The following EDIL3 variants were observed in gnomAD, a reference collection of about 807,000 sequenced individuals.
EDIL3 encodes the protein EGF-like repeat and discoidin I-like domain-containing protein 3.
A neutral mutation model predicts 67.4 loss-of-function variants in EDIL3; 37 were observed. The observed-to-expected ratio is 0.55, with a 90% CI of 0.42 to 0.72. The LOEUF is 0.72. EDIL3 is among the 30% of genes least tolerant of loss of function. The probability of loss-of-function intolerance (pLI) is 0.00; values close to 1 mark genes in which losing one functional copy is unlikely to be tolerated. For synonymous variants in EDIL3, 195 were observed against 196.3 expected (o/e 0.99, Z 0.05); for missense variants, 527 against 586.3 (o/e 0.90, Z 1.04).
Position 83,971,539 on chromosome 5 carries a change from A to C in EDIL3, c.1138-8179T>G, listed in dbSNP as rs557338295. Among the ~76,000 whole-genome samples the C allele has an allele frequency of 3.0e-4, 45 of 152,112 alleles. 1 individual carries two copies. The highest frequency in any genetic ancestry group is 1.0e-3 in the African/African-American group (42 of 41,532). ...ACCCTTAGCCTCCAAAAATATTTTTATATATGCTCTTGAAATTTGGTTGTT... is the reference window on the plus strand; with the variant it reads ...ACCCTTAGCCTCCAAAAATATTTTTCTATATGCTCTTGAAATTTGGTTGTT... On this transcript the variant is annotated intron_variant, in intron 9 of 10. Coordinates refer to ENST00000296591, the MANE Select transcript of EDIL3 (RefSeq NM_005711.5).
At chr5:84,244,627 C>G (rs1744871036) in intron 2 of EDIL3, among the ~76,000 whole-genome samples, 1 of 152,074 alleles carries the variant, frequency 6.6e-6, no homozygotes. Flanking sequence ...AGTGTCATAT[C>G]TTTGTCTTCA....
intron 3 of EDIL3, among the ~76,000 whole-genome samples, chr5:84,219,892 A>C (rs957367988): frequency 3.9e-5 from 6 of 152,046 alleles, no homozygotes; most frequent in African/African-American, 1.4e-4. Context: ...ATTCTCACTT[A>C]TTTACAGGAG....
At chr5:84,262,147 C>T (rs1745234234) in intron 1 of EDIL3, among the ~76,000 whole-genome samples, 4 of 152,156 alleles carry the variant, frequency 2.6e-5, no homozygotes. Context: ...ATGAACTAAT[C>T]CAGTGGTTCT....
chr5:84,094,488 C>T (rs529952092), intron 6 of EDIL3, among the ~76,000 whole-genome samples: 2 of 151,966 alleles, frequency 1.3e-5, no homozygotes, highest in African/African-American at 4.8e-5. Context: ...AATTCAGCTT[C>T]TGTAACTAGA....
chr5:84,277,189 T>A (rs1054699915), intron 1 of EDIL3, among the ~76,000 whole-genome samples: 6 of 152,144 alleles, frequency 3.9e-5, no homozygotes, highest in Non-Finnish European at 5.9e-5. Context: ...TGTTGAAATT[T>A]TAACCCCCAA....
At chr5:84,259,662 A>G (rs1745189192) in intron 1 of EDIL3, among the ~76,000 whole-genome samples, 1 of 152,146 alleles carries the variant, frequency 6.6e-6, no homozygotes, top group Non-Finnish European at 1.5e-5. Context: ...TTCTGATCGG[A>G]CTGCATGATT....
Position 83,963,209 on chromosome 5 carries a change from T to C in EDIL3, c.1289A>G (p.Asp430Gly), listed in dbSNP as rs1744634098. 1.9e-6 allele frequency: 3 copies of C among 1,592,398 alleles called. No homozygotes were observed. Among genetic ancestry groups the C allele is most frequent in the Non-Finnish European group, 2.6e-6 (3 of 1,171,660 alleles). ...AAACCGATTTGGCTGACTTACCTTA[T>C]CTTTTCTTTGCTTTTCATCCTGGTA... ...TVYQDEKQRK[D>G]KVFQGNFDND... Residue 430 changes from aspartate to glycine, a missense_variant, in exon 10 of 11, where the codon GAT becomes GGT. By Grantham distance (94) the Asp-to-Gly change is moderately conservative. Coordinates refer to ENST00000296591, the MANE Select transcript of EDIL3 (RefSeq NM_005711.5).
At chr5:84,100,631 T>C (rs1413161216) in intron 6 of EDIL3, among the ~76,000 whole-genome samples, 1 of 152,056 alleles carries the variant, frequency 6.6e-6, no homozygotes, top group Non-Finnish European at 1.5e-5. Flanking sequence ...AGATGATGGA[T>C]TGATGGGTGT....
At chr5:83,959,900 C>T (rs1744577231) in intron 10 of EDIL3, among the ~76,000 whole-genome samples, 1 of 150,732 alleles carries the variant, frequency 6.6e-6, no homozygotes, top group African/African-American at 2.4e-5. Flanking sequence ...TATAAAATGA[C>T]TACATTTTCA....
At chr5:84,384,235 G>GC in intron 1 of EDIL3, 73 bp downstream of exon 1, 1 of 1,533,982 alleles carries the variant, frequency 6.5e-7, no homozygotes, top group Non-Finnish European at 8.8e-7. Context: ...ACCGCCTCCG[G>GC]CCCCCTGCGC....
At chr5:84,313,335 A>G (rs1746443090) in intron 1 of EDIL3, among the ~76,000 whole-genome samples, 1 of 152,214 alleles carries the variant, frequency 6.6e-6, no homozygotes, top group African/African-American at 2.4e-5. Flanking sequence ...TGTTTCTTTA[A>G]GTTTATATGA....
intron 6 of EDIL3, among the ~76,000 whole-genome samples, chr5:84,092,527 C>A (rs1296643430): frequency 6.6e-6 from 1 of 152,034 alleles, no homozygotes; most frequent in Non-Finnish European, 1.5e-5. Flanking sequence ...CTCTATAACT[C>A]TTTGTGTTCT....
At chr5:84,348,235 C>T (rs74735792) in intron 1 of EDIL3, among the ~76,000 whole-genome samples, 57 of 152,156 alleles carry the variant, frequency 3.7e-4, no homozygotes, top group African/African-American at 1.3e-3. Context: ...ACAGCAAGTC[C>T]CTGCAGTCAT....
At chr5:84,050,053 C>T (rs1470076371) in intron 9 of EDIL3, among the ~76,000 whole-genome samples, 1 of 151,818 alleles carries the variant, frequency 6.6e-6, no homozygotes, top group Admixed American at 6.6e-5. Context: ...CAAAAATTAG[C>T]CGGGCATGGT....
intron 4 of EDIL3, among the ~76,000 whole-genome samples, chr5:84,171,144 T>A (rs1223619789): frequency 6.6e-6 from 1 of 152,146 alleles, no homozygotes; most frequent in Non-Finnish European, 1.5e-5. Context: ...ACTACCTTCA[T>A]GAGTATAATC....
intron 5 of EDIL3, among the ~76,000 whole-genome samples, chr5:84,134,137 C>A (rs186822915): frequency 6.6e-6 from 1 of 151,938 alleles, no homozygotes; most frequent in Non-Finnish European, 1.5e-5. Flanking sequence ...AGTAAAGGTG[C>A]TTAATAGCTA....
intron 9 of EDIL3, among the ~76,000 whole-genome samples, chr5:83,997,583 G>A (rs1273952461): frequency 1.3e-5 from 2 of 152,114 alleles, no homozygotes; most frequent in Non-Finnish European, 2.9e-5. Context: ...TCTGTAGAAT[G>A]TCCAAATGGT....
intron 9 of EDIL3, among the ~76,000 whole-genome samples, chr5:84,056,823 G>A (rs1019917318): frequency 6.6e-6 from 1 of 152,038 alleles, no homozygotes; most frequent in African/African-American, 2.4e-5. Flanking sequence ...ATTCAGAGGC[G>A]TCTGATTTTA....
intron 1 of EDIL3, among the ~76,000 whole-genome samples, chr5:84,297,107 A>G (rs1011727857): frequency 6.7e-6 from 1 of 148,174 alleles, no homozygotes; most frequent in Non-Finnish European, 1.5e-5. Context: ...GTGTGAACCC[A>G]GGAGGCAAAG....
Sources: gnomAD v4.1 joint callset for allele counts (sites outside exome capture counted in the v4.1 genomes callset) on GRCh38, gnomAD v4.1.1 for gene constraint, MANE v1.5 for transcripts, NCBI Gene and HGNC (gene_info 2026-07-23, HGNC 2026-07-21) for gene names.